The following ADAMTS16 variants were observed in gnomAD, a reference collection of about 807,000 sequenced individuals.
ADAMTS16 encodes the protein ADAM metallopeptidase with thrombospondin type 1 motif 16.
Under a neutral mutation model 145.8 loss-of-function variants are expected in ADAMTS16, and 94 were observed. The observed-to-expected ratio is 0.64, with a 90% CI of 0.55 to 0.77. The LOEUF (loss-of-function observed/expected upper bound fraction) is 0.77, where lower values mean the gene tolerates loss of function less well. Among genes scored for constraint, ADAMTS16 ranks in the 30% least tolerant of loss-of-function variants. The probability of loss-of-function intolerance (pLI) is 0.00; values close to 1 mark genes in which losing one functional copy is unlikely to be tolerated. For synonymous variants in ADAMTS16, 659 were observed against 604.3 expected, an observed-to-expected ratio of 1.09 and a Z score of -1.33; for missense variants, 1,585 against 1,591.5, an observed-to-expected ratio of 1.00 and a Z score of 0.07.
intron 2 of ADAMTS16, among the ~76,000 whole-genome samples, chr5:5,144,644 G>A (rs983701141): frequency 2.6e-5 from 4 of 152,184 alleles, no homozygotes; most frequent in Non-Finnish European, 5.9e-5. Flanking sequence ...CCGACTTTAG[G>A]AGGGTAGTGT....
Position 5,140,463 on chromosome 5 carries a change from C to G in ADAMTS16, c.-5C>G. The G allele has an allele frequency of 6.6e-7, 1 of 1,510,778 alleles. No homozygotes were observed. The highest frequency in any genetic ancestry group is 8.8e-7 in the Non-Finnish European group (1 of 1,138,390). 93.6% of individuals were successfully genotyped at this position (1,510,778 alleles called of 1,614,324 possible). On this transcript the variant is annotated 5_prime_UTR_variant, in exon 1 of 23. Coordinates refer to ENST00000274181, the MANE Select transcript of ADAMTS16 (RefSeq NM_139056.4). Reference sequence around the variant, plus strand: ...GTGGCCCCTAGCCCCTCGGAGCGCTCCTGGATGAAGCCCCGCGCGCGCGGA... The same window carrying G: ...GTGGCCCCTAGCCCCTCGGAGCGCTGCTGGATGAAGCCCCGCGCGCGCGGA...
chr5:5,208,992 A>G (rs904020442), intron 9 of ADAMTS16, 101 bp from the exon 10 acceptor site: 1 of 1,344,630 alleles, frequency 7.4e-7, no homozygotes, highest in African/African-American at 1.5e-5. Flanking sequence ...TATACACAAT[A>G]TATGTTGTAA....
chr5:5,201,087 C>T (rs1321212632), intron 9 of ADAMTS16, among the ~76,000 whole-genome samples: 1 of 152,216 alleles, frequency 6.6e-6, no homozygotes, highest in Non-Finnish European at 1.5e-5. Flanking sequence ...CTGCTCCACA[C>T]AGTCATTCAG....
chr5:5,212,194 T>TTTTTG (rs1409348881), intron 10 of ADAMTS16, among the ~76,000 whole-genome samples: 2 of 109,608 alleles, frequency 1.8e-5, no homozygotes, highest in African/African-American at 5.4e-5. Flanking sequence ...TCTGGGGTTT[T>TTTTTG]TTTTGTTTTG....
chr5:5,239,032 C>T (rs1376094885), intron 14 of ADAMTS16, 119 bp from the exon 15 acceptor site: 7 of 1,133,670 alleles, frequency 6.2e-6, no homozygotes, highest in African/African-American at 1.6e-5. Context: ...TGTTAACTAC[C>T]CTATGTTGGT....
chr5:5,148,430 A>G (rs1259816921), intron 3 of ADAMTS16, among the ~76,000 whole-genome samples: 2 of 152,252 alleles, frequency 1.3e-5, no homozygotes, highest in Non-Finnish European at 2.9e-5. Context: ...TTTGTAGGAT[A>G]AGAATATTAC....
chr5:5,229,043 A>G (rs1736846443), intron 11 of ADAMTS16, among the ~76,000 whole-genome samples: 1 of 152,152 alleles, frequency 6.6e-6, no homozygotes, highest in Non-Finnish European at 1.5e-5. Context: ...TCACGCCTGT[A>G]ATCCCAGCAC....
At position 5,167,302 on chromosome 5, in the gene ADAMTS16, T is replaced by C. The variant is rs1356406287; in HGVS notation, c.502-14742T>C. Among the ~76,000 whole-genome samples the C allele has an allele frequency of 2.0e-5, 3 of 152,200 alleles. No homozygotes were observed. The East Asian group carries it at 5.8e-4, about 29-fold the overall frequency. On this transcript the variant is annotated intron_variant, in intron 3 of 22. Coordinates refer to ENST00000274181, the MANE Select transcript of ADAMTS16 (RefSeq NM_139056.4). ...TGACTGAATGACTGAACAAAAACACTACACTCCCTGGATAAGAGAGACTGA... is the reference window on the plus strand; with the variant it reads ...TGACTGAATGACTGAACAAAAACACCACACTCCCTGGATAAGAGAGACTGA...
intron 18 of ADAMTS16, among the ~76,000 whole-genome samples, chr5:5,265,976 A>G (rs1379671176): frequency 7.0e-6 from 1 of 142,812 alleles, no homozygotes; most frequent in Non-Finnish European, 1.5e-5. Flanking sequence ...AGTAAATTAG[A>G]CTTAAAGAAG....
intron 3 of ADAMTS16, among the ~76,000 whole-genome samples, chr5:5,177,918 T>A (rs1486570948): frequency 6.6e-6 from 1 of 152,272 alleles, no homozygotes; most frequent in East Asian, 1.9e-4. Flanking sequence ...TCACTGGGAG[T>A]CTGTCTCATT....
intron 18 of ADAMTS16, among the ~76,000 whole-genome samples, chr5:5,280,458 T>C (rs1335910710): frequency 2.0e-5 from 3 of 152,212 alleles, no homozygotes; most frequent in Non-Finnish European, 4.4e-5. Flanking sequence ...GTTGGAGGTG[T>C]GTTTGTATTC....
chr5:5,208,399 T>C (rs1736186349), intron 9 of ADAMTS16, among the ~76,000 whole-genome samples: 1 of 152,208 alleles, frequency 6.6e-6, no homozygotes, highest in Admixed American at 6.5e-5. Context: ...AATGTTTAAA[T>C]ACACTTTCCC....
rs188654935 is a variant in ADAMTS16 at position 5,230,041 on chromosome 5, A to G, written c.1702-2327A>G. 3.3e-3 allele frequency among the ~76,000 whole-genome samples: 499 copies of G among 152,312 alleles called. 5 individuals are homozygous for G. The highest frequency in any genetic ancestry group is 6.9e-3 in the Admixed American group (105 of 15,304). On this transcript the variant is annotated intron_variant, in intron 11 of 22. Coordinates refer to ENST00000274181, the MANE Select transcript of ADAMTS16 (RefSeq NM_139056.4). ...TATACATGAAGCCATCAATGGTGCA[A>G]TCTTGCCAAAAATCCAACTCTGAAC...
chr5:5,238,198 G>T (rs1326745999), intron 14 of ADAMTS16, among the ~76,000 whole-genome samples: 1 of 151,996 alleles, frequency 6.6e-6, no homozygotes, highest in African/African-American at 2.4e-5. Flanking sequence ...TTGTATTTTG[G>T]TATTCTTAAT....
Position 5,239,890 on chromosome 5 carries a change from G to C in ADAMTS16, c.2488G>C (p.Ala830Pro). The change falls in exon 16 of 23, where the codon GCT becomes CCT. Residue 830 changes from alanine (A) to proline (P), a missense_variant. By Grantham distance (27) the Ala-to-Pro change is conservative. Coordinates refer to ENST00000274181, the MANE Select transcript of ADAMTS16 (RefSeq NM_139056.4). ...CTATAATGAGCCCGAGAACTTAATCGCTACTGGACCAACCAACGAGACACT... is the reference window on the plus strand; with the variant it reads ...CTATAATGAGCCCGAGAACTTAATCCCTACTGGACCAACCAACGAGACACT... Reference protein sequence around the residue: ...RSYNEPENLIATGPTNETLIV... With the variant: ...RSYNEPENLIPTGPTNETLIV... The C allele has an allele frequency of 6.2e-7, 1 of 1,613,966 alleles. No homozygotes were observed. Among genetic ancestry groups the C allele is most frequent in the Non-Finnish European group, 8.5e-7 (1 of 1,180,012 alleles).
chr5:5,155,291 G>A (rs764681068), intron 3 of ADAMTS16, among the ~76,000 whole-genome samples: 3 of 151,956 alleles, frequency 2.0e-5, no homozygotes, highest in East Asian at 1.9e-4. Context: ...ATCTAAACTC[G>A]CCCAGTCCCT....
intron 8 of ADAMTS16, among the ~76,000 whole-genome samples, chr5:5,194,170 C>A (rs1444659418): frequency 2.0e-5 from 3 of 152,084 alleles, no homozygotes; most frequent in Non-Finnish European, 4.4e-5. Flanking sequence ...GGATTAACTG[C>A]CAGAAAGTAT....
intron 10 of ADAMTS16, among the ~76,000 whole-genome samples, chr5:5,215,870 G>GTGTGTGTATATATATA (rs1260354840): frequency 3.0e-5 from 3 of 101,640 alleles, no homozygotes; most frequent in Admixed American, 1.1e-4. Flanking sequence ...GTGTGTATGT[G>GTGTGTGTATATATATA]TATATATATA....
intron 17 of ADAMTS16, among the ~76,000 whole-genome samples, chr5:5,244,053 C>G (rs945135603): frequency 1.3e-5 from 2 of 152,180 alleles, no homozygotes; most frequent in African/African-American, 4.8e-5. Context: ...GGATGGAGTA[C>G]AGGATGTCTG....
Sources: gnomAD v4.1 joint callset for allele counts (sites outside exome capture counted in the v4.1 genomes callset) on GRCh38, gnomAD v4.1.1 for gene constraint, MANE v1.5 for transcripts, NCBI Gene and HGNC (gene_info 2026-07-23, HGNC 2026-07-21) for gene names.